SZT2: variants seen among roughly 807,000 people sequenced by gnomAD.
SZT2 encodes the protein SZT2 subunit of KICSTOR complex, also known as KICSTOR complex protein SZT2.
SZT2 carries 216 observed loss-of-function variants against 404.2 expected under a neutral mutation model. The ratio of observed to expected loss-of-function variants is 0.53; its 90% CI spans 0.48 to 0.60. The LOEUF is 0.60. Among genes scored for constraint, SZT2 ranks in the 20% least tolerant of loss-of-function variants. The pLI is 0.00. For synonymous variants in SZT2, 1,693 were observed against 1,749.9 expected (o/e 0.97, Z 0.81); for missense variants, 3,857 against 4,459.2 (o/e 0.86, Z 3.85).
rs374569642 is a variant in SZT2, at chr1:43,448,572, G to A, written c.9970-40G>A. 1 of 1,613,916 alleles carries A rather than the reference G, an allele frequency of 6.2e-7. No individual in the cohort carries two copies. On this transcript the variant is annotated intron_variant, in intron 69 of 71. Coordinates refer to ENST00000634258, the MANE Select transcript of SZT2 (RefSeq NM_001365999.1). The surrounding 1 kb of genome is among the most constrained non-coding windows in gnomAD (Gnocchi z 4.2). ...GGCAGAGGGCACAGGAATCTGAGGTGACTGGCACAGAAGACTCAGGCCTGT... is the reference window on the plus strand; with the variant it reads ...GGCAGAGGGCACAGGAATCTGAGGTAACTGGCACAGAAGACTCAGGCCTGT...
At position 43,403,627 on chromosome 1, in the gene SZT2, C is replaced by A. The variant is rs1207192968; in HGVS notation, c.180C>A (p.Val60=). 2 of 1,613,982 alleles carry A rather than the reference C, an allele frequency of 1.2e-6. No homozygotes were observed. Among genetic ancestry groups the A allele is most frequent in the East Asian group, 4.5e-5 (2 of 44,866 alleles). The stretch of plus-strand genomic sequence containing the variant: ...TTCAGTCTGAACAGGAATTGGAAGT[C>A]CTCAGTGTCCTGCCCCCTGGGTGGC... The part of the protein sequence containing the change: ...MLLQSEQELE[V]LSVLPPGWQP... Residue 60 remains valine, a synonymous_variant, in exon 3 of 72, where the codon GTC becomes GTA. Transcript: ENST00000634258.
At chr1:43,413,733 G>C (rs1557528968) in intron 4 of SZT2, among the ~76,000 whole-genome samples, 1 of 152,162 alleles carries the variant, frequency 6.6e-6, no homozygotes, top group Non-Finnish European at 1.5e-5. Context: ...TTATTTATTT[G>C]TGAGAGCTAA....
In SZT2 at chr1:43,430,564, C is replaced by A; in HGVS notation, c.4549C>A (p.Arg1517Ser). ...PELEVEYRESRESDLGPAGLD... is the reference protein window; with the variant it reads ...PELEVEYRESSESDLGPAGLD... ...GCTAGAGGTAGAATACCGGGAGAGC[C>A]GTGAATCAGACCTGGGGCCTGCTGG... The change falls in exon 32 of 72, where the codon CGT (arginine) becomes AGT (serine). Residue 1517 changes from arginine to serine, a missense_variant. Physicochemically the swap from Arg to Ser is moderately radical, Grantham distance 110. Around this residue, in one of 7 missense-constraint regions of SZT2, gnomAD observed 1,725 missense variants for 1,881.0 expected, o/e 0.92. Transcript: ENST00000634258. The A allele has an allele frequency of 6.2e-7, 1 of 1,614,166 alleles. No individual in the cohort carries two copies. Among genetic ancestry groups the A allele is most frequent in the Non-Finnish European group, 8.5e-7 (1 of 1,180,036 alleles).
At chr1:43,399,466 ATTTTTTT>A (rs58653132) in intron 1 of SZT2, among the ~76,000 whole-genome samples, 8 of 121,998 alleles carry the variant, frequency 6.6e-5, no homozygotes, top group African/African-American at 2.3e-4. Flanking sequence ...GCCAGAGGGA[ATTTTTTT>A]TTTTTTTTTT....
chr1:43,419,701 A>C, intron 7 of SZT2, 33 bp from the exon 8 acceptor site: 1 of 1,558,478 alleles, frequency 6.4e-7, no homozygotes, highest in Non-Finnish European at 8.7e-7. Flanking sequence ...TGCCTCTGTC[A>C]GAGCTAGGTC....
rs115735888 is a variant in SZT2 at position 43,418,358 on chromosome 1, T to G, written c.880-1376T>G. Among the ~76,000 whole-genome samples, 453 of 152,300 alleles carry G rather than the reference T, an allele frequency of 3.0e-3. 5 individuals are homozygous for G. Among genetic ancestry groups the G allele is most frequent in the African/African-American group, 0.01 (432 of 41,568 alleles). On this transcript the variant is annotated intron_variant, in intron 7 of 71. Coordinates refer to ENST00000634258, the MANE Select transcript of SZT2 (RefSeq NM_001365999.1). ...AGGCTGGTGGAGTAAAGTCCCTAAA[T>G]TGACAGGAGGGCATTGTCTTAAGAA... is the stretch of plus-strand genomic sequence containing the variant.
intron 28 of SZT2, chr1:43,429,394 C>T (rs1653582193): frequency 1.1e-5 from 3 of 280,316 alleles, no homozygotes; most frequent in Non-Finnish European, 2.1e-5. Context: ...ATTAGCTGGG[C>T]GTGGTGGCAT....
rs1656617123 is a variant in SZT2, at chr1:43,453,091, C to T, written c.*2611C>T. 6.2e-6 allele frequency: 5 copies of T among 806,984 alleles called. No individual in the cohort carries two copies. The highest frequency in any genetic ancestry group is 8.5e-6 in the Non-Finnish European group (4 of 468,642). 50.0% of individuals were successfully genotyped at this position (806,984 alleles called of 1,614,324 possible). On this transcript the variant is annotated 3_prime_UTR_variant, in exon 72 of 72. Coordinates refer to ENST00000634258, the MANE Select transcript of SZT2 (RefSeq NM_001365999.1). ...GTGCCTACCCTGCTCCCACAGCTTC[C>T]TGGAATAGGCCTGTCCTCAAATGCA...
intron 4 of SZT2, among the ~76,000 whole-genome samples, chr1:43,411,735 C>T (rs1157872337): frequency 2.0e-5 from 3 of 150,890 alleles, no homozygotes; most frequent in Admixed American, 6.6e-5. Flanking sequence ...AAATCACCTG[C>T]CCACAAGATA....
chr1:43,446,450 C>G, intron 65 of SZT2, 34 bp downstream of exon 65: 1 of 1,612,600 alleles, frequency 6.2e-7, no homozygotes, highest in Non-Finnish European at 8.5e-7. Flanking sequence ...AGTCAGTGCA[C>G]CCCAGTGTGC....
At position 43,439,244 on chromosome 1, in the gene SZT2, T is replaced by C; in HGVS notation, c.6793-114T>C. The C allele has an allele frequency of 2.0e-6, 3 of 1,511,772 alleles. No homozygotes were observed. The South Asian group carries it at 3.5e-5, about 17-fold the overall frequency. 93.6% of individuals were successfully genotyped at this position (1,511,772 alleles called of 1,614,324 possible). A position where few individuals can be genotyped will look rare whatever the true frequency, so the allele number is the denominator to read the frequency against. On this transcript the variant is annotated intron_variant, in intron 48 of 71. Transcript: ENST00000634258. The surrounding 1 kb of genome is among the most constrained non-coding windows in gnomAD (Gnocchi z 4.2). ...CCCGGGGACCATTATTACCCGCCTGTGTCTTCTCATGCTCCCATATCTACC... is the reference window on the plus strand; with the variant it reads ...CCCGGGGACCATTATTACCCGCCTGCGTCTTCTCATGCTCCCATATCTACC...
rs904037938 is a variant in SZT2 at position 43,423,269 on chromosome 1, G to T, written c.2208G>T (p.Arg736=). Residue 736 remains arginine, a synonymous_variant, in exon 15 of 72, where the codon CGG becomes CGT. Coordinates refer to ENST00000634258, the MANE Select transcript of SZT2 (RefSeq NM_001365999.1). ...VLGPQQALSD[R]PCLVVLHKPL... is the part of the protein sequence containing the mutation. ...GGCCACAGCAGGCCCTGTCTGACCG[G>T]CCCTGCCTTGTGGTCCTGCATAAGC... 3.4e-5 allele frequency: 53 copies of T among 1,569,778 alleles called. No individual in the cohort carries two copies. The highest frequency in any genetic ancestry group is 4.5e-5 in the Non-Finnish European group (53 of 1,165,842).
chr1:43,453,709 T>C lies in SZT2; in HGVS notation c.*3229T>C. On this transcript the variant is annotated 3_prime_UTR_variant, in exon 72 of 72. Coordinates refer to ENST00000634258, the MANE Select transcript of SZT2 (RefSeq NM_001365999.1). Reference sequence around the variant, plus strand: ...ACCTCGACGGCCTCGAAGCCCGAGCTGCCCGCGGCCCGCACCCGCGCGGGG... The same window carrying C: ...ACCTCGACGGCCTCGAAGCCCGAGCCGCCCGCGGCCCGCACCCGCGCGGGG... 7.1e-7 allele frequency: 1 copy of C among 1,416,228 alleles called. No homozygotes were observed. The highest frequency in any genetic ancestry group is 9.1e-7 in the Non-Finnish European group (1 of 1,094,956). 87.7% of individuals were successfully genotyped at this position (1,416,228 alleles called of 1,614,324 possible).
chr1:43,423,220 C>T lies in SZT2; in HGVS notation c.2159C>T (p.Pro720Leu), dbSNP rs1652634950. Residue 720 changes from proline to leucine, a missense_variant, in exon 15 of 72, where the codon CCC (proline) becomes CTC (leucine). By Grantham distance (98) the Pro-to-Leu change is moderately conservative. Transcript: ENST00000634258. ...GLGGAGGGSSPSKSPPVLGPQ... is the reference protein window; with the variant it reads ...GLGGAGGGSSLSKSPPVLGPQ... The stretch of plus-strand genomic sequence containing the variant: ...GGGGGTGCTGGTGGGGGCAGCTCTC[C>T]CTCCAAGTCACCCCCCGTGCTGGGG... 1.9e-6 allele frequency: 3 copies of T among 1,595,946 alleles called. No homozygotes were observed. Among genetic ancestry groups the T allele is most frequent in the Non-Finnish European group, 1.7e-6 (2 of 1,178,376 alleles).
intron 1 of SZT2, among the ~76,000 whole-genome samples, chr1:43,400,252 T>C (rs1484940963): frequency 6.6e-6 from 1 of 152,198 alleles, no homozygotes; most frequent in East Asian, 1.9e-4. Flanking sequence ...AAGATGTGAT[T>C]TTAGATGTTA....
intron 4 of SZT2, among the ~76,000 whole-genome samples, chr1:43,407,377 G>T (rs538281885): frequency 2.0e-5 from 3 of 152,100 alleles, no homozygotes; most frequent in Non-Finnish European, 2.9e-5. Flanking sequence ...TTAGCTGGGC[G>T]TGATGGTGCA....
chr1:43,449,380 C>T (rs1323794454), intron 70 of SZT2: 2 of 160,754 alleles, frequency 1.2e-5, no homozygotes, highest in Non-Finnish European at 2.7e-5. Flanking sequence ...AGGGGTCCTG[C>T]AGCACAGTGC....
At position 43,397,439 on chromosome 1, in the gene SZT2, GAAAAGAAAC is replaced by G. The variant is rs1336547473; in HGVS notation, c.28-5735_28-5727del. Among the ~76,000 whole-genome samples the G allele has an allele frequency of 1.2e-3, 181 of 150,262 alleles. No homozygotes were observed. In the East Asian group the frequency reaches 0.024, roughly 20 times the overall value. Reference sequence around the variant, plus strand: ...AGACTCCATTTCAAAAAAAAAAAAAGAAAAGAAACAATATGTAGACATGGCCTCCACCTC... The same window carrying G: ...AGACTCCATTTCAAAAAAAAAAAAAGAATATGTAGACATGGCCTCCACCTC... On this transcript the variant is annotated intron_variant, in intron 1 of 71. Coordinates refer to ENST00000634258, the MANE Select transcript of SZT2 (RefSeq NM_001365999.1).
At chr1:43,447,324 CTGTT>C (rs926909393) in intron 66 of SZT2, among the ~76,000 whole-genome samples, 156 bp downstream of exon 66, 3 of 152,244 alleles carry the variant, frequency 2.0e-5, no homozygotes, top group African/African-American at 7.2e-5. Flanking sequence ...TGTCCTGTGT[CTGTT>C]TCTTACCAGA....
Sources: allele counts gnomAD v4.1 joint callset (sites outside exome capture counted in the v4.1 genomes callset), GRCh38; gene constraint gnomAD v4.1.1; regional missense constraint gnomAD v4.1.1; non-coding constraint Gnocchi (gnomAD v3.1); transcripts MANE v1.5; gene names NCBI Gene and HGNC (gene_info 2026-07-23, HGNC 2026-07-21).